Variants in ARHGAP10 observed in about 807,000 individuals in gnomAD.
The protein encoded by ARHGAP10 is rho GTPase-activating protein 10.
ARHGAP10 carries 87 observed loss-of-function variants against 108.6 expected under a neutral mutation model. The ratio of observed to expected loss-of-function variants is 0.80; its 90% CI spans 0.67 to 0.96. The LOEUF (loss-of-function observed/expected upper bound fraction) is 0.96, where lower values mean the gene tolerates loss of function less well. Among genes scored for constraint, ARHGAP10 ranks in the 40% least tolerant of loss-of-function variants. ARHGAP10 has a pLI of 0.00. For missense variants in ARHGAP10, 939 were observed against 954.5 expected, an observed-to-expected ratio of 0.98 and a Z score of 0.21; for synonymous variants, 347 against 341.1, an observed-to-expected ratio of 1.02 and a Z score of -0.19.
intron 19 of ARHGAP10, 95 bp from the exon 20 acceptor site, chr4:148,046,796 AT>A: frequency 8.0e-7 from 1 of 1,245,682 alleles, no homozygotes; most frequent in Middle Eastern, 2.2e-4. Flanking sequence ...TAATTTTATC[AT>A]TTGATTGACT....
Position 147,879,330 on chromosome 4 carries a change from G to T in ARHGAP10, c.931G>T (p.Gly311Trp), listed in dbSNP as rs1375482115. 2 of 1,613,020 alleles carry T rather than the reference G, an allele frequency of 1.2e-6. No homozygotes were observed. Among genetic ancestry groups the T allele is most frequent in the East Asian group, 4.5e-5 (2 of 44,872 alleles). Residue 311 changes from glycine (G) to tryptophan (W), a missense_variant, in exon 9 of 23, where the codon GGG becomes TGG. Gly to Trp is a radical substitution (Grantham distance 184). Transcript: ENST00000336498. ...GATCCCATTTGAGCACAGATCTGGA[G>T]GGAAACTTGTAAGTATTTGATTCAA... ...NMIPFEHRSG[G>W]KLGDGEVFFL...
intron 1 of ARHGAP10, among the ~76,000 whole-genome samples, chr4:147,755,257 A>G (rs59081829): frequency 0.081 from 12,379 of 152,202 alleles, 1,269 homozygotes; most frequent in African/African-American, 0.23. Flanking sequence ...ACTTATTTTT[A>G]CTTGTTAAAT....
intron 20 of ARHGAP10, among the ~76,000 whole-genome samples, chr4:148,050,319 T>C (rs1366753224): frequency 6.6e-6 from 1 of 151,638 alleles, no homozygotes; most frequent in Non-Finnish European, 1.5e-5. Flanking sequence ...TCTGTGTTAC[T>C]GAATGTCTCT....
chr4:147,739,817 C>A, intron 1 of ARHGAP10, among the ~76,000 whole-genome samples: 1 of 151,102 alleles, frequency 6.6e-6, no homozygotes, highest in East Asian at 1.9e-4. Context: ...TTCACTGCAA[C>A]CTCCGCCTCC....
chr4:147,836,480 C>A (rs1036641263), intron 3 of ARHGAP10, among the ~76,000 whole-genome samples: 24 of 152,272 alleles, frequency 1.6e-4, no homozygotes, highest in Admixed American at 1.0e-3. Context: ...ACTTTAAAAT[C>A]ATAGTTTCTA....
intron 10 of ARHGAP10, among the ~76,000 whole-genome samples, chr4:147,898,076 AT>A (rs370800661): frequency 3.3e-5 from 5 of 151,406 alleles, no homozygotes; most frequent in Admixed American, 2.0e-4. Flanking sequence ...AATGGGCCAT[AT>A]TTTTTTTAAC....
chr4:148,053,749 T>C (rs1729243427), intron 20 of ARHGAP10, among the ~76,000 whole-genome samples: 1 of 152,228 alleles, frequency 6.6e-6, no homozygotes, highest in South Asian at 2.1e-4. Flanking sequence ...AATTATGCTA[T>C]GCCGACTGCC....
intron 18 of ARHGAP10, among the ~76,000 whole-genome samples, chr4:147,989,527 C>T (rs1740184230): frequency 6.6e-6 from 1 of 152,146 alleles, no homozygotes; most frequent in Non-Finnish European, 1.5e-5. Context: ...AGACCTACCC[C>T]TAGGTGCGCA....
chr4:147,790,089 A>G (rs1390936863), intron 1 of ARHGAP10, among the ~76,000 whole-genome samples: 1 of 148,722 alleles, frequency 6.7e-6, no homozygotes, highest in East Asian at 2.0e-4. Context: ...ACAGACATTT[A>G]GTTCTCACAG....
At chr4:147,856,670 C>T (rs971241281) in intron 4 of ARHGAP10, among the ~76,000 whole-genome samples, 2 of 152,186 alleles carry the variant, frequency 1.3e-5, no homozygotes, top group African/African-American at 4.8e-5. Context: ...AGATACCTCT[C>T]TTTGTATACA....
chr4:147,965,363 GAAT>G (rs1739166697), intron 17 of ARHGAP10, among the ~76,000 whole-genome samples: 1 of 152,144 alleles, frequency 6.6e-6, no homozygotes, highest in South Asian at 2.1e-4. Context: ...TGAAAGAAGA[GAAT>G]ATTATACATT....
intron 19 of ARHGAP10, among the ~76,000 whole-genome samples, chr4:148,033,775 G>T (rs1431402639): frequency 6.6e-6 from 1 of 152,208 alleles, no homozygotes; most frequent in Non-Finnish European, 1.5e-5. Context: ...CCTTTAGCAT[G>T]AGCTGGCCTG....
intron 11 of ARHGAP10, 67 bp downstream of exon 11, chr4:147,906,786 T>G: frequency 6.3e-7 from 1 of 1,578,702 alleles, no homozygotes. Context: ...CATTTTTATG[T>G]TATTTTTGTG....
chr4:147,745,869 C>A (rs1728895652), intron 1 of ARHGAP10, among the ~76,000 whole-genome samples: 1 of 150,712 alleles, frequency 6.6e-6, no homozygotes, highest in Non-Finnish European at 1.5e-5. Context: ...TCACGGCAAC[C>A]TCCACTTCCC....
chr4:147,828,830 A>C (rs1732826176), intron 3 of ARHGAP10, among the ~76,000 whole-genome samples: 1 of 152,110 alleles, frequency 6.6e-6, no homozygotes, highest in Non-Finnish European at 1.5e-5. Flanking sequence ...CACTCAAAGA[A>C]GTGTAATTTC....
chr4:147,771,421 A>G (rs1730074944), intron 1 of ARHGAP10, among the ~76,000 whole-genome samples: 1 of 152,216 alleles, frequency 6.6e-6, no homozygotes, highest in Non-Finnish European at 1.5e-5. Flanking sequence ...ATCAGGGTAA[A>G]TAGGGTATCT....
chr4:147,829,934 C>T (rs758309244), intron 3 of ARHGAP10, among the ~76,000 whole-genome samples: 6 of 152,126 alleles, frequency 3.9e-5, no homozygotes, highest in South Asian at 2.1e-4. Flanking sequence ...TGCGGGGAAG[C>T]GGGAGTGCCA....
intron 19 of ARHGAP10, among the ~76,000 whole-genome samples, chr4:148,030,764 A>G (rs1728113401): frequency 6.6e-6 from 1 of 152,044 alleles, no homozygotes; most frequent in Non-Finnish European, 1.5e-5. Flanking sequence ...TCTGGGTTGC[A>G]TCTTTGCAGC....
chr4:147,784,036 AATTATAT>A (rs1168626461), intron 1 of ARHGAP10, among the ~76,000 whole-genome samples: 4 of 138,718 alleles, frequency 2.9e-5, no homozygotes, highest in South Asian at 2.9e-4. Flanking sequence ...ACACACATTA[AATTATAT>A]ATTATATATT....
Sources: gnomAD v4.1 joint callset for allele counts (sites outside exome capture counted in the v4.1 genomes callset) on GRCh38, gnomAD v4.1.1 for gene constraint, MANE v1.5 for transcripts, NCBI Gene and HGNC (gene_info 2026-07-23, HGNC 2026-07-21) for gene names.